Variants in ZYG11B observed in about 807,000 individuals in gnomAD.
ZYG11B encodes the protein protein zyg-11 homolog B.
In ZYG11B, 36 loss-of-function variants were observed where a neutral mutation model predicts 82.4. That is an observed-to-expected ratio of 0.44 (90% CI 0.33 to 0.58). The LOEUF (loss-of-function observed/expected upper bound fraction) is 0.58. ZYG11B is among the 20% of genes least tolerant of loss of function. ZYG11B has a pLI of 0.02. For missense variants in ZYG11B, 552 were observed against 895.6 expected, an observed-to-expected ratio of 0.62 and a Z score of 4.90; for synonymous variants, 303 against 312.8, an observed-to-expected ratio of 0.97 and a Z score of 0.33.
chr1:52,785,133 A>G (rs1644902512), intron 5 of ZYG11B, 80 bp downstream of exon 5: 1 of 1,453,984 alleles, frequency 6.9e-7, no homozygotes, highest in African/African-American at 1.4e-5. Context: ...TAATAGACCA[A>G]GGCTGGAAAT....
chr1:52,763,228 A>G (rs144725510), intron 2 of ZYG11B, among the ~76,000 whole-genome samples: 26 of 152,246 alleles, frequency 1.7e-4, no homozygotes, highest in African/African-American at 2.9e-4. Flanking sequence ...GTCTGGTAGT[A>G]TGATGCCTCC....
At chr1:52,760,444 G>A (rs28817407) in intron 2 of ZYG11B, among the ~76,000 whole-genome samples, 89,944 of 151,618 alleles carry the variant, frequency 0.59, 29,369 homozygotes, top group East Asian at 0.97. Flanking sequence ...GACTCTTAAC[G>A]ACAACAACAA....
chr1:52,784,960 G>A lies in ZYG11B; in HGVS notation c.1176G>A (p.Lys392=). The stretch of plus-strand genomic sequence containing the variant: ...GCGCCTGTGTATTTAACTTAACCAA[G>A]CAGGATCTTGCTGCAGGGATGCCTG... ...AASACVFNLT[K]QDLAAGMPVR... is the part of the protein sequence containing the mutation. Residue 392 remains lysine (K), a synonymous_variant, in exon 5 of 14, where the codon AAG becomes AAA. Coordinates refer to ENST00000294353, the MANE Select transcript of ZYG11B (RefSeq NM_024646.3). 1.2e-6 allele frequency: 2 copies of A among 1,614,136 alleles called. No homozygotes were observed. Among genetic ancestry groups the A allele is most frequent in the Non-Finnish European group, 1.7e-6 (2 of 1,180,010 alleles).
chr1:52,786,339 A>G (rs1202157668), intron 5 of ZYG11B, among the ~76,000 whole-genome samples: 1 of 152,164 alleles, frequency 6.6e-6, no homozygotes, highest in African/African-American at 2.4e-5. Context: ...TGAAATTGTG[A>G]TGGTTGCACA....
chr1:52,782,290 C>G (rs1275010348), intron 4 of ZYG11B, among the ~76,000 whole-genome samples: 1 of 152,132 alleles, frequency 6.6e-6, no homozygotes, highest in Admixed American at 6.5e-5. Context: ...TGGAAACCCA[C>G]TGTGTTGCCC....
intron 3 of ZYG11B, chr1:52,772,773 G>A: frequency 1.7e-6 from 1 of 579,382 alleles, no homozygotes; most frequent in Non-Finnish European, 3.1e-6. Context: ...TGCCTCCCGG[G>A]TTCACGCCAT....
intron 12 of ZYG11B, among the ~76,000 whole-genome samples, chr1:52,815,491 A>G (rs1316952062): frequency 2.0e-5 from 3 of 152,002 alleles, no homozygotes; most frequent in African/African-American, 4.8e-5. Flanking sequence ...GTGGTGGCAC[A>G]TCCCTGTAGT....
At chr1:52,776,706 A>T (rs1252182214) in intron 3 of ZYG11B, among the ~76,000 whole-genome samples, 1 of 152,140 alleles carries the variant, frequency 6.6e-6, no homozygotes, top group Non-Finnish European at 1.5e-5. Context: ...AGATTATTTT[A>T]TATTTCCCTC....
intron 1 of ZYG11B, among the ~76,000 whole-genome samples, chr1:52,750,811 T>C (rs912295935): frequency 3.9e-5 from 6 of 152,274 alleles, no homozygotes; most frequent in Admixed American, 3.3e-4. Flanking sequence ...ATAATCTCCT[T>C]TCTGTCTCTG....
intron 10 of ZYG11B, among the ~76,000 whole-genome samples, chr1:52,808,091 G>A (rs115446447): frequency 0.025 from 3,865 of 152,240 alleles, 122 homozygotes; most frequent in Middle Eastern, 0.13. Context: ...GGCCGGACAC[G>A]GTGGCTCACG....
intron 8 of ZYG11B, among the ~76,000 whole-genome samples, chr1:52,797,324 ATATAT>A (rs1251220008): frequency 2.5e-5 from 2 of 79,350 alleles, no homozygotes; most frequent in Non-Finnish European, 4.2e-5. Context: ...CATATAATAT[ATATAT>A]TATATATTTA....
Position 52,740,930 on chromosome 1 carries a change from G to A in ZYG11B, c.30+14247G>A, listed in dbSNP as rs992020814. Among the ~76,000 whole-genome samples, 10 of 145,008 alleles carry A rather than the reference G, an allele frequency of 6.9e-5. No individual in the cohort carries two copies. The South Asian group carries it at 2.0e-3, about 29-fold the overall frequency. ...TTGCAGTTGGGGCGGGGGAGGGTAA[G>A]GGATTAGATCATCTCTAAGGTTATA... On this transcript the variant is annotated intron_variant, in intron 1 of 13. Coordinates refer to ENST00000294353, the MANE Select transcript of ZYG11B (RefSeq NM_024646.3).
At chr1:52,777,031 G>A (rs996356611) in intron 3 of ZYG11B, among the ~76,000 whole-genome samples, 1 of 151,940 alleles carries the variant, frequency 6.6e-6, no homozygotes, top group Non-Finnish European at 1.5e-5. Flanking sequence ...CCAACATGAC[G>A]AAATCCCGTC....
At chr1:52,742,837 G>A (rs1644442408) in intron 1 of ZYG11B, among the ~76,000 whole-genome samples, 2 of 139,866 alleles carry the variant, frequency 1.4e-5, no homozygotes, top group South Asian at 4.3e-4. Flanking sequence ...GCGAGCCTCC[G>A]TCTCAAAAAA....
At chr1:52,803,253 T>C (rs1571793932) in intron 10 of ZYG11B, among the ~76,000 whole-genome samples, 3 of 80,278 alleles carry the variant, frequency 3.7e-5, no homozygotes, top group Admixed American at 1.5e-4. Context: ...CACACACATA[T>C]ATATATATAT....
At chr1:52,787,071 C>A (rs1644919210) in intron 5 of ZYG11B, among the ~76,000 whole-genome samples, 1 of 145,602 alleles carries the variant, frequency 6.9e-6, no homozygotes, top group Admixed American at 7.1e-5. Context: ...GCTTGGGCAA[C>A]AAGAGCGAAA....
intron 10 of ZYG11B, among the ~76,000 whole-genome samples, chr1:52,807,171 T>A (rs1184282794): frequency 6.8e-6 from 1 of 147,250 alleles, no homozygotes; most frequent in African/African-American, 2.5e-5. Flanking sequence ...GCGCCCGGCC[T>A]TTTTTTTTTA....
intron 13 of ZYG11B, among the ~76,000 whole-genome samples, chr1:52,821,015 A>G (rs1317724945): frequency 3.3e-5 from 5 of 151,278 alleles, no homozygotes; most frequent in African/African-American, 1.2e-4. Context: ...GCTTGAACCC[A>G]GGAGGCGGAG....
intron 10 of ZYG11B, among the ~76,000 whole-genome samples, chr1:52,805,677 C>G (rs1645136297): frequency 6.6e-6 from 1 of 151,966 alleles, no homozygotes; most frequent in Non-Finnish European, 1.5e-5. Flanking sequence ...ACTGAAAATA[C>G]AAAAATTAGC....
Sources: allele counts gnomAD v4.1 joint callset (sites outside exome capture counted in the v4.1 genomes callset), GRCh38; gene constraint gnomAD v4.1.1; transcripts MANE v1.5; gene names NCBI Gene and HGNC (gene_info 2026-07-23, HGNC 2026-07-21).